Variants in FBXL2 observed in about 807,000 individuals in gnomAD.
The protein encoded by FBXL2 is F-box and leucine rich repeat protein 2.
In FBXL2, 38 loss-of-function variants were observed where a neutral mutation model predicts 69.2. The observed-to-expected ratio is 0.55, with a 90% CI of 0.42 to 0.72. FBXL2 has a LOEUF of 0.72. FBXL2 is among the 30% of genes least tolerant of loss of function. The pLI is 0.00. For synonymous variants in FBXL2, 192 were observed against 201.3 expected, an observed-to-expected ratio of 0.95 and a Z score of 0.39; for missense variants, 354 against 520.3, an observed-to-expected ratio of 0.68 and a Z score of 3.11.
chr3:33,394,858 A>G (rs1337779975), intron 12 of FBXL2, among the ~76,000 whole-genome samples: 4 of 148,674 alleles, frequency 2.7e-5, no homozygotes, highest in Non-Finnish European at 1.5e-5. Flanking sequence ...TTACTGGAAC[A>G]GCCTTATCTA....
At chr3:33,412,938 TTC>T in the FBXL2 span, 1 of 680,812 alleles carries the variant, frequency 1.5e-6, no homozygotes, top group Non-Finnish European at 2.6e-6. Flanking sequence ...TACAACTAGA[TTC>T]TGTTTTAAAC....
intron 1 of FBXL2, among the ~76,000 whole-genome samples, chr3:33,293,468 T>C (rs1280687632): frequency 6.6e-6 from 1 of 152,192 alleles, no homozygotes; most frequent in African/African-American, 2.4e-5. Flanking sequence ...TAAGACTCTT[T>C]TGGGAAATTA....
intron 2 of FBXL2, among the ~76,000 whole-genome samples, chr3:33,330,865 G>C (rs2039092902): frequency 6.6e-6 from 1 of 151,216 alleles, no homozygotes; most frequent in South Asian, 2.1e-4. Flanking sequence ...CTCCAGCCTG[G>C]GCAACAGAAC....
intron 13 of FBXL2, among the ~76,000 whole-genome samples, chr3:33,379,193 G>C (rs961822187): frequency 1.3e-5 from 2 of 151,884 alleles, no homozygotes; most frequent in Non-Finnish European, 2.9e-5. Context: ...GTAGAGACGG[G>C]GTTTCACCAT....
chr3:33,347,310 T>C (rs1348672323), intron 2 of FBXL2, among the ~76,000 whole-genome samples: 1 of 152,226 alleles, frequency 6.6e-6, no homozygotes, highest in Non-Finnish European at 1.5e-5. Flanking sequence ...TCTCATTCTT[T>C]GTATGGCTGA....
the FBXL2 span, among the ~76,000 whole-genome samples, chr3:33,417,736 T>C: frequency 6.6e-6 from 1 of 152,240 alleles, no homozygotes; most frequent in Non-Finnish European, 1.5e-5. Context: ...CAGTATAATT[T>C]GGCATGCAGA....
intron 2 of FBXL2, among the ~76,000 whole-genome samples, chr3:33,326,267 G>A (rs1372174732): frequency 1.3e-5 from 2 of 152,178 alleles, no homozygotes; most frequent in Admixed American, 6.5e-5. Context: ...TTGGGAGGCC[G>A]AGGTGGGTGG....
chr3:33,331,950 A>G (rs2039198526), intron 2 of FBXL2, among the ~76,000 whole-genome samples: 1 of 152,206 alleles, frequency 6.6e-6, no homozygotes. Context: ...AGGAAATTAT[A>G]GACAAAGAAT....
At chr3:33,412,305 A>G in the FBXL2 span, among the ~76,000 whole-genome samples, 1 of 151,900 alleles carries the variant, frequency 6.6e-6, no homozygotes. Flanking sequence ...CTATAAAACA[A>G]CTCTCTCGGT....
In FBXL2 at chr3:33,364,620, T is replaced by G; in HGVS notation, c.196-5T>G. On this transcript the variant is annotated splice_region_variant and splice_polypyrimidine_tract_variant and intron_variant, in intron 4 of 14. Transcript: ENST00000484457. ...TTTTTTCCTCCCGAACTTTCTTGAT[T>G]AAAGGGTCGAGTGGTGGAAAATATC... 1 of 1,613,642 alleles carries G rather than the reference T, an allele frequency of 6.2e-7. No homozygotes were observed. The highest frequency in any genetic ancestry group is 8.5e-7 in the Non-Finnish European group (1 of 1,179,710).
chr3:33,400,891 T>C (rs920356080), intron 12 of FBXL2: 2 of 1,464,286 alleles, frequency 1.4e-6, no homozygotes, highest in African/African-American at 2.9e-5. Context: ...TCCATACATT[T>C]GCACAAAAAC....
chr3:33,351,962 TA>T (rs56082631), intron 2 of FBXL2, among the ~76,000 whole-genome samples: 13,147 of 112,014 alleles, frequency 0.12, 763 homozygotes, highest in African/African-American at 0.21. Context: ...CCCCATCACT[TA>T]AAAAAAAAAA....
intron 12 of FBXL2, chr3:33,400,859 T>A (rs2044200182): frequency 3.6e-6 from 4 of 1,103,644 alleles, no homozygotes; most frequent in Admixed American, 2.4e-5. Flanking sequence ...TTACCATACA[T>A]GTAACAAAAC....
At chr3:33,298,354 A>G (rs531662066) in intron 2 of FBXL2, among the ~76,000 whole-genome samples, 1 of 152,170 alleles carries the variant, frequency 6.6e-6, no homozygotes, top group Non-Finnish European at 1.5e-5. Flanking sequence ...AGTTTTCTTT[A>G]GTATTATGCA....
At chr3:33,357,751 G>A (rs1468944811) in intron 2 of FBXL2, among the ~76,000 whole-genome samples, 2 of 151,926 alleles carry the variant, frequency 1.3e-5, no homozygotes, top group East Asian at 1.9e-4. Context: ...GGATGGTCTC[G>A]ATCTCCTGAC....
At chr3:33,296,766 A>C (rs1411930144) in intron 1 of FBXL2, among the ~76,000 whole-genome samples, 1 of 152,192 alleles carries the variant, frequency 6.6e-6, no homozygotes, top group Non-Finnish European at 1.5e-5. Flanking sequence ...CCCTTATGCC[A>C]GTGAACACAT....
At chr3:33,420,890 C>T in the FBXL2 span, among the ~76,000 whole-genome samples, 2 of 152,156 alleles carry the variant, frequency 1.3e-5, no homozygotes, top group African/African-American at 4.8e-5. Context: ...CCCAAAAATG[C>T]TGGGATTACA....
Position 33,386,410 on chromosome 3 carries a change from G to T in FBXL2, c.*802G>T, listed in dbSNP as rs577372322. The T allele has an allele frequency of 6.6e-6, 1 of 152,120 alleles. No homozygotes were observed. Among genetic ancestry groups the T allele is most frequent in the South Asian group, 2.1e-4 (1 of 4,810 alleles). 9.4% of individuals were successfully genotyped at this position (152,120 alleles called of 1,614,324 possible). On this transcript the variant is annotated 3_prime_UTR_variant, in exon 15 of 15. Coordinates refer to ENST00000484457, the MANE Select transcript of FBXL2 (RefSeq NM_012157.5). ...GTAAAACTGGGGGGAACCTTAAAGAGAAAGAACTAAGGCTTAAGTTATCTG... is the reference window on the plus strand; with the variant it reads ...GTAAAACTGGGGGGAACCTTAAAGATAAAGAACTAAGGCTTAAGTTATCTG...
At chr3:33,362,015 C>G (rs968689196) in intron 4 of FBXL2, among the ~76,000 whole-genome samples, 7 of 152,134 alleles carry the variant, frequency 4.6e-5, no homozygotes, top group Non-Finnish European at 1.0e-4. Flanking sequence ...TTGTAAGTAC[C>G]ATATTAAAGA....
Sources: gnomAD v4.1 joint callset for allele counts (sites outside exome capture counted in the v4.1 genomes callset) on GRCh38, gnomAD v4.1.1 for gene constraint, MANE v1.5 for transcripts, NCBI Gene and HGNC (gene_info 2026-07-23, HGNC 2026-07-21) for gene names.